The following COL18A1 variants were observed in gnomAD, a reference collection of about 807,000 sequenced individuals.
COL18A1 encodes the protein collagen type XVIII alpha 1 chain.
Under a neutral mutation model 168.0 loss-of-function variants are expected in COL18A1, and 133 were observed. That is an observed-to-expected ratio of 0.79 (90% CI 0.69 to 0.91). The LOEUF is 0.91. COL18A1 is among the 40% of genes least tolerant of loss of function. The pLI, the probability that COL18A1 is intolerant of heterozygous loss-of-function variation, is 0.00. For synonymous variants in COL18A1, 949 were observed against 809.0 expected (o/e 1.17, Z -2.94); for missense variants, 2,126 against 1,925.4 (o/e 1.10, Z -1.95).
At chr21:45,479,577 C>T (rs377278351) in intron 9 of COL18A1, among the ~76,000 whole-genome samples, 2,179 of 151,626 alleles carry the variant, frequency 0.014, 49 homozygotes, top group African/African-American at 0.05. Flanking sequence ...ACACACCACA[C>T]TCCTCACACA....
intron 38 of COL18A1, among the ~76,000 whole-genome samples, chr21:45,509,127 G>A (rs1018114729): frequency 2.6e-4 from 40 of 152,108 alleles, no homozygotes; most frequent in Middle Eastern, 3.2e-3. Context: ...GCACGGCTGG[G>A]TCTGTGGGGC....
At chr21:45,490,616 T>TCGTGTGCCCTCCCAGGTCTCTGGGCCTC (rs967441380) in intron 20 of COL18A1, among the ~76,000 whole-genome samples, 4 of 129,194 alleles carry the variant, frequency 3.1e-5, no homozygotes, top group African/African-American at 5.9e-5. Context: ...CCCTGGGCCT[T>TCGTGTGCCCTCCCAGGTCTCTGGGCCTC]CGTGTGCCCT....
In COL18A1 at chr21:45,495,273, G is replaced by A. The variant is rs1003228726; in HGVS notation, c.2434-85G>A. On this transcript the variant is annotated intron_variant, in intron 28 of 41. Coordinates refer to ENST00000651438, the MANE Select transcript of COL18A1 (RefSeq NM_001379500.1). ...TGAGCGTGGGCCGGCCGGGCCTGGC[G>A]TGGGGCTAACGGCAGGCACCCTGCG... 36 of 1,183,196 alleles carry A rather than the reference G, an allele frequency of 3.0e-5. No homozygotes were observed. In the East Asian group the frequency reaches 4.3e-4, roughly 14 times the overall value. The allele number at this position is 1,183,196 out of a possible 1,614,324, so 73.3% of individuals were successfully genotyped here. A position where few individuals can be genotyped will look rare whatever the true frequency, so the allele number is the denominator to read the frequency against.
rs2034460088 is a variant in COL18A1, at chr21:45,444,364, G to T, written c.107-23878G>T. Among the ~76,000 whole-genome samples the T allele has an allele frequency of 5.3e-5, 8 of 151,224 alleles. No homozygotes were observed. In the South Asian group the frequency reaches 1.7e-3, roughly 32 times the overall value. On this transcript the variant is annotated intron_variant, in intron 2 of 41. Coordinates refer to ENST00000651438, the MANE Select transcript of COL18A1 (RefSeq NM_001379500.1). ...TGAGGTGCGTGCAGGGGTGTAGTGAGGTGTGGGATGTGCAGAGTGAATGAA... is the reference window on the plus strand; with the variant it reads ...TGAGGTGCGTGCAGGGGTGTAGTGATGTGTGGGATGTGCAGAGTGAATGAA...
At position 45,471,913 on chromosome 21, in the gene COL18A1, C is replaced by T. The variant is rs2035443935; in HGVS notation, c.652-1982C>T. On this transcript the variant is annotated intron_variant, in intron 3 of 41. Coordinates refer to ENST00000651438, the MANE Select transcript of COL18A1 (RefSeq NM_001379500.1). This position sits in a 1 kb window ranked among gnomAD's most constrained non-coding sequence, Gnocchi z 4.4. ...TTAAATATTTACAATGGGCCTGTGG[C>T]TTTTGCACTAGCGCCTCCTGCCCCA... Among the ~76,000 whole-genome samples the T allele has an allele frequency of 6.6e-6, 1 of 152,208 alleles. No individual in the cohort carries two copies. Among genetic ancestry groups the T allele is most frequent in the Admixed American group, 6.5e-5 (1 of 15,286 alleles).
At chr21:45,456,910 C>G in intron 2 of COL18A1, 9 of 1,403,298 alleles carry the variant, frequency 6.4e-6, no homozygotes, top group Non-Finnish European at 8.4e-6. Flanking sequence ...TCTCCCCACC[C>G]TTTCCTTTTT....
rs761368530 is a variant in COL18A1 at position 45,467,068 on chromosome 21, C to T, written c.107-1174C>T. Among the ~76,000 whole-genome samples, 7 of 152,398 alleles carry T rather than the reference C, an allele frequency of 4.6e-5. No homozygotes were observed. The East Asian group carries it at 1.3e-3, about 29-fold the overall frequency. On this transcript the variant is annotated intron_variant, in intron 2 of 41. Coordinates refer to ENST00000651438, the MANE Select transcript of COL18A1 (RefSeq NM_001379500.1). ...TGACCGCTGGCCCCCAGAGCCCAGG[C>T]TCAGCCCGTTGGGACCCCTCTGCCC...
chr21:45,466,194 G>A (rs1240072270), intron 2 of COL18A1, among the ~76,000 whole-genome samples: 2 of 152,164 alleles, frequency 1.3e-5, no homozygotes, highest in African/African-American at 4.8e-5. Context: ...GGGAGGGGCG[G>A]GGACGTTCCA....
In COL18A1 at chr21:45,505,130, G is replaced by A. The variant is rs368482196; in HGVS notation, c.2869-4G>A. On this transcript the variant is annotated splice_region_variant and splice_polypyrimidine_tract_variant and intron_variant, in intron 34 of 41. Coordinates refer to ENST00000651438, the MANE Select transcript of COL18A1 (RefSeq NM_001379500.1). Reference sequence around the variant, plus strand: ...CAGGAAGCGTCTCTTGTCGCCGTCCGTAGGGTCCCAAGGGAGAGAGCATCC... The same window carrying A: ...CAGGAAGCGTCTCTTGTCGCCGTCCATAGGGTCCCAAGGGAGAGAGCATCC... The A allele has an allele frequency of 3.4e-5, 55 of 1,608,330 alleles. No individual in the cohort carries two copies. The highest frequency in any genetic ancestry group is 1.5e-4 in the South Asian group (14 of 90,626).
chr21:45,419,856 C>T (rs2033565000), intron 2 of COL18A1: 1 of 152,368 alleles, frequency 6.6e-6, no homozygotes, highest in East Asian at 1.9e-4. Context: ...GTTCTCCCTC[C>T]CTGGACCCCC....
rs1028248775 is a variant in COL18A1, at chr21:45,447,234, C to T, written c.107-21008C>T. ...ATCATATATCATATATATCATATAT[C>T]ATATGTATATTTAAAAGTAAAAGTT... On this transcript the variant is annotated intron_variant, in intron 2 of 41. Transcript: ENST00000651438. Among the ~76,000 whole-genome samples the T allele has an allele frequency of 1.2e-4, 18 of 150,972 alleles. No homozygotes were observed. In the East Asian group the frequency reaches 3.1e-3, roughly 26 times the overall value.
intron 3 of COL18A1, among the ~76,000 whole-genome samples, chr21:45,472,223 T>A (rs934176091): frequency 2.6e-5 from 4 of 151,592 alleles, no homozygotes; most frequent in Admixed American, 2.0e-4. Flanking sequence ...GCGCAGTTTT[T>A]TTTTTTTGTT....
rs747388968 is a variant in COL18A1 at position 45,477,842 on chromosome 21, G to A, written c.1098G>A (p.Pro366=). 2.5e-5 allele frequency: 39 copies of A among 1,553,016 alleles called. No homozygotes were observed. The highest frequency in any genetic ancestry group is 1.5e-4 in the African/African-American group (11 of 73,188). The stretch of plus-strand genomic sequence containing the variant: ...GATCCCCATGCCTACCTGGTCCCCC[G>A]GGTCTCCCGTGCCCAGTGAGTCCCC... ...PPGSPCLPGP[P]GLPCPVSPLG... is the part of the protein sequence containing the mutation. Residue 366 remains proline, a synonymous_variant, in exon 8 of 42, where the codon CCG becomes CCA. Transcript: ENST00000651438.
At chr21:45,496,299 C>A in intron 29 of COL18A1, 2 of 713,406 alleles carry the variant, frequency 2.8e-6, no homozygotes, top group Non-Finnish European at 5.2e-6. Flanking sequence ...ACGACTCCAG[C>A]GTGGGATGAG....
chr21:45,500,204 G>T (rs1602575289), intron 32 of COL18A1, among the ~76,000 whole-genome samples: 1 of 125,878 alleles, frequency 7.9e-6, no homozygotes, highest in Admixed American at 8.1e-5. Flanking sequence ...TGGAGTGTGT[G>T]TGGCTGGGTT....
At position 45,476,342 on chromosome 21, in the gene COL18A1, G is replaced by A. The variant is rs201215190; in HGVS notation, c.799-9G>A. Reference sequence around the variant, plus strand: ...CGAATAACAGGCCACCTCCCCTCTCGTCCTCCAGGGCGCGGCCCTAAAACC... The same window carrying A: ...CGAATAACAGGCCACCTCCCCTCTCATCCTCCAGGGCGCGGCCCTAAAACC... On this transcript the variant is annotated splice_polypyrimidine_tract_variant and intron_variant, in intron 5 of 41. Transcript: ENST00000651438. The A allele has an allele frequency of 6.8e-5, 109 of 1,613,640 alleles. No homozygotes were observed. The highest frequency in any genetic ancestry group is 8.9e-5 in the Non-Finnish European group (105 of 1,179,908).
At chr21:45,496,116 C>CATGCCCTCT in intron 29 of COL18A1, 1 of 388,482 alleles carries the variant, frequency 2.6e-6, no homozygotes, top group Non-Finnish European at 4.9e-6. Flanking sequence ...CCATGCCCTC[C>CATGCCCTCT]AAGCCCTCCA....
intron 6 of COL18A1, among the ~76,000 whole-genome samples, chr21:45,476,907 G>A (rs1395537868): frequency 7.1e-6 from 1 of 141,432 alleles, no homozygotes; most frequent in Non-Finnish European, 1.5e-5. Flanking sequence ...TGTGTGTGAT[G>A]TGTATTATGT....
In COL18A1 at chr21:45,489,497, C is replaced by A; in HGVS notation, c.1935C>A (p.Gly645=). Residue 645 remains glycine, a synonymous_variant, in exon 19 of 42, where the codon GGC becomes GGA. Transcript: ENST00000651438. ...PGLPGLKGDP[G]VPGLPGAKGE... ...CTTTTTTCACTTAGGGGGATCCTGG[C>A]GTGCCTGGGCTGCCGGGGGCGAAGG... is the stretch of plus-strand genomic sequence containing the variant. 1 of 1,602,552 alleles carries A rather than the reference C, an allele frequency of 6.2e-7. No individual in the cohort carries two copies. The highest frequency in any genetic ancestry group is 8.5e-7 in the Non-Finnish European group (1 of 1,174,418).
Sources: gnomAD v4.1 joint callset for allele counts (sites outside exome capture counted in the v4.1 genomes callset) on GRCh38, gnomAD v4.1.1 for gene constraint, Gnocchi (gnomAD v3.1) non-coding constraint, MANE v1.5 for transcripts, NCBI Gene and HGNC (gene_info 2026-07-23, HGNC 2026-07-21) for gene names.